Variants in ROBO2 observed in about 807,000 individuals in gnomAD.
The protein encoded by ROBO2 is roundabout guidance receptor 2.
ROBO2 carries 53 observed loss-of-function variants against 160.8 expected under a neutral mutation model. The ratio of observed to expected loss-of-function variants is 0.33; its 90% confidence interval spans 0.26 to 0.41. The LOEUF is 0.41. ROBO2 is among the 10% of genes least tolerant of loss of function. The probability of loss-of-function intolerance (pLI) is 1.00; values close to 1 mark genes in which losing one functional copy is unlikely to be tolerated. For missense variants in ROBO2, 1,577 were observed against 1,722.4 expected (o/e 0.92, Z 1.49); for synonymous variants, 664 against 611.7 (o/e 1.09, Z -1.26).
chr3:77,628,716 A>G (rs2095091046), intron 23 of ROBO2, among the ~76,000 whole-genome samples: 1 of 152,196 alleles, frequency 6.6e-6, no homozygotes, highest in South Asian at 2.1e-4. Flanking sequence ...AATCCCAGAC[A>G]GAGAGGCAGA....
chr3:77,410,248 C>T (rs1368227397), intron 2 of ROBO2, among the ~76,000 whole-genome samples: 1 of 152,094 alleles, frequency 6.6e-6, no homozygotes, highest in Non-Finnish European at 1.5e-5. Flanking sequence ...TGTATCAAAA[C>T]TTTTTAGTTC....
intron 2 of ROBO2, among the ~76,000 whole-genome samples, chr3:76,922,984 T>TC (rs1221922904): frequency 1.3e-5 from 2 of 152,226 alleles, no homozygotes; most frequent in Non-Finnish European, 2.9e-5. Context: ...TTATCCGCTC[T>TC]CAAGAGAACT....
rs980262768 is a variant in ROBO2, at chr3:77,229,603, G to A, written c.388+131263G>A. ...TTGAACCCAGGAGGTAGAGGTTGCA[G>A]TGAGCTGAGATTGTGCCACTGCACC... is the stretch of plus-strand genomic sequence containing the variant. On this transcript the variant is annotated intron_variant, in intron 2 of 25. Coordinates refer to ENST00000461745, the Ensembl canonical transcript of ROBO2. Among the ~76,000 whole-genome samples the A allele has an allele frequency of 2.0e-4, 30 of 151,882 alleles. 1 individual carries two copies. Among genetic ancestry groups the A allele is most frequent in the Admixed American group, 1.4e-3 (22 of 15,248 alleles).
At chr3:76,639,881 A>G (rs548472747) in intron 2 of ROBO2, among the ~76,000 whole-genome samples, 25 of 152,324 alleles carry the variant, frequency 1.6e-4, no homozygotes, top group African/African-American at 6.0e-4. Flanking sequence ...CCTAACACAT[A>G]TATAGTGAAG....
intron 2 of ROBO2, among the ~76,000 whole-genome samples, chr3:77,402,009 G>A (rs779474823): frequency 3.9e-5 from 6 of 152,120 alleles, no homozygotes; most frequent in Non-Finnish European, 7.3e-5. Context: ...ATTCACAATA[G>A]TAAAGACTTG....
At chr3:77,182,782 A>G (rs903485806) in intron 2 of ROBO2, among the ~76,000 whole-genome samples, 1 of 152,042 alleles carries the variant, frequency 6.6e-6, no homozygotes, top group Non-Finnish European at 1.5e-5. Flanking sequence ...ACTTTATACA[A>G]AGGTGTTAAG....
At chr3:76,758,649 C>T in intron 2 of ROBO2, among the ~76,000 whole-genome samples, 1 of 151,766 alleles carries the variant, frequency 6.6e-6, no homozygotes, top group Non-Finnish European at 1.5e-5. Context: ...GTTATCCCAC[C>T]TCTCTGTTGG....
chr3:77,106,879 T>C (rs1204025328), intron 2 of ROBO2, among the ~76,000 whole-genome samples: 1 of 152,206 alleles, frequency 6.6e-6, no homozygotes, highest in Admixed American at 6.5e-5. Flanking sequence ...TATGAAAGCA[T>C]TACTGAGCCC....
intron 2 of ROBO2, among the ~76,000 whole-genome samples, chr3:76,060,382 A>C (rs1559877471): frequency 6.6e-6 from 1 of 152,338 alleles, no homozygotes; most frequent in Non-Finnish European, 1.5e-5. Flanking sequence ...CTGTGACCAT[A>C]ATCTTGAGTA....
intron 1 of ROBO2, among the ~76,000 whole-genome samples, chr3:77,059,428 C>T (rs1374741365): frequency 6.6e-6 from 1 of 152,170 alleles, no homozygotes; most frequent in Admixed American, 6.5e-5. Context: ...TGGAGTAGCA[C>T]TAGCCTATAA....
chr3:76,838,215 C>T (rs2067887796), intron 2 of ROBO2, among the ~76,000 whole-genome samples: 1 of 151,982 alleles, frequency 6.6e-6, no homozygotes, highest in African/African-American at 2.4e-5. Context: ...AAACAACAGA[C>T]ACTGGGGTTT....
At chr3:77,386,774 T>C (rs1316222306) in intron 2 of ROBO2, among the ~76,000 whole-genome samples, 2 of 151,584 alleles carry the variant, frequency 1.3e-5, no homozygotes. Flanking sequence ...GGCTAATTTT[T>C]GTATTTTTGG....
chr3:76,793,120 A>G (rs1294612521), intron 2 of ROBO2, among the ~76,000 whole-genome samples: 1 of 151,808 alleles, frequency 6.6e-6, no homozygotes, highest in Non-Finnish European at 1.5e-5. Context: ...ATTTTCCCAT[A>G]TATAGAAAAA....
intron 2 of ROBO2, among the ~76,000 whole-genome samples, chr3:76,086,067 A>T (rs1230103152): frequency 6.6e-6 from 1 of 152,196 alleles, no homozygotes; most frequent in Non-Finnish European, 1.5e-5. Context: ...CCTATGTATT[A>T]GTCTGATCTC....
intron 2 of ROBO2, among the ~76,000 whole-genome samples, chr3:76,923,783 G>A (rs2076814634): frequency 6.6e-6 from 1 of 152,218 alleles, no homozygotes; most frequent in Non-Finnish European, 1.5e-5. Flanking sequence ...CACACTGAAA[G>A]TGTTTCTGGC....
At chr3:76,773,119 C>G (rs1215879695) in intron 2 of ROBO2, among the ~76,000 whole-genome samples, 1 of 150,986 alleles carries the variant, frequency 6.6e-6, no homozygotes, top group Non-Finnish European at 1.5e-5. Context: ...AAGAGAAGTG[C>G]AATCTAATGA....
intron 15 of ROBO2, among the ~76,000 whole-genome samples, chr3:77,578,360 T>G (rs940539445): frequency 9.9e-5 from 15 of 152,204 alleles, no homozygotes; most frequent in African/African-American, 3.6e-4. Flanking sequence ...TATAATTTAT[T>G]AATAAATCAT....
intron 2 of ROBO2, among the ~76,000 whole-genome samples, chr3:76,798,129 GAAAGA>G (rs2063842152): frequency 1.2e-5 from 1 of 82,104 alleles, no homozygotes; most frequent in African/African-American, 4.6e-5. Flanking sequence ...AAAGAAGAAA[GAAAGA>G]AGAAAGAGAA....
At chr3:77,090,320 ACTCTTTTTT>A (rs2069979354) in intron 1 of ROBO2, among the ~76,000 whole-genome samples, 2 of 68,234 alleles carry the variant, frequency 2.9e-5, no homozygotes, top group African/African-American at 1.0e-4. Flanking sequence ...CTTCTAAACC[ACTCTTTTTT>A]TTTTTTTTTT....
Sources: allele counts gnomAD v4.1 joint callset (sites outside exome capture counted in the v4.1 genomes callset), GRCh38; gene constraint gnomAD v4.1.1; transcripts MANE v1.5; gene names NCBI Gene and HGNC (gene_info 2026-07-23, HGNC 2026-07-21).